PTPN21: variants seen among roughly 807,000 people sequenced by gnomAD.
PTPN21 encodes the protein protein tyrosine phosphatase non-receptor type 21.
In PTPN21, 77 loss-of-function variants were observed where a neutral mutation model predicts 131.8. The observed-to-expected ratio is 0.58, with a 90% CI of 0.49 to 0.71. PTPN21 has a LOEUF of 0.71. Among genes scored for constraint, PTPN21 ranks in the 30% least tolerant of loss-of-function variants. The probability of loss-of-function intolerance (pLI) is 0.00; values close to 1 mark genes in which losing one functional copy is unlikely to be tolerated. For missense variants in PTPN21, 1,552 were observed against 1,527.1 expected (o/e 1.02, Z -0.27); for synonymous variants, 715 against 621.3 (o/e 1.15, Z -2.24).
chr14:88,493,178 T>C (rs762147333), intron 10 of PTPN21: 5 of 425,906 alleles, frequency 1.2e-5, no homozygotes, highest in South Asian at 6.8e-5. Context: ...TTAAAGAAAA[T>C]AAAAGCTCTC....
Position 88,500,785 on chromosome 14 carries a change from A to G in PTPN21, c.762T>C (p.Phe254=). The change falls in exon 8 of 19, where the codon TTT becomes TTC. Residue 254 remains phenylalanine (F), a splice_region_variant and synonymous_variant. Transcript: ENST00000556564. ...KHKNGRHPVV[F]RWHDIANMSH... ...ACAAAAAGAGGTAAGAAAAATACCT[A>G]AATACCACAGGATGCCTTCCATTCT... is the stretch of plus-strand genomic sequence containing the variant. 1 of 1,607,184 alleles carries G rather than the reference A, an allele frequency of 6.2e-7. No individual in the cohort carries two copies. The highest frequency in any genetic ancestry group is 8.5e-7 in the Non-Finnish European group (1 of 1,173,674).
intron 2 of PTPN21, among the ~76,000 whole-genome samples, chr14:88,518,532 G>A (rs1275494064): frequency 7.4e-6 from 1 of 134,246 alleles, no homozygotes; most frequent in East Asian, 2.5e-4. Flanking sequence ...CCAGGTTCAA[G>A]TCATTCTCCT....
At chr14:88,529,020 A>G (rs2078518969) in intron 2 of PTPN21, among the ~76,000 whole-genome samples, 1 of 152,184 alleles carries the variant, frequency 6.6e-6, no homozygotes, top group Admixed American at 6.5e-5. Context: ...TACGTTGAAG[A>G]GAAGTGGTGA....
intron 2 of PTPN21, among the ~76,000 whole-genome samples, chr14:88,545,595 A>C (rs1399325000): frequency 6.6e-6 from 1 of 152,248 alleles, no homozygotes; most frequent in African/African-American, 2.4e-5. Context: ...GAAGAATGAT[A>C]GGCAGGGAAT....
At chr14:88,474,711 T>C (rs959557443) in intron 13 of PTPN21, among the ~76,000 whole-genome samples, 2 of 152,136 alleles carry the variant, frequency 1.3e-5, no homozygotes, top group South Asian at 2.1e-4. Flanking sequence ...ACCAGGAGGA[T>C]AGGACAGAAG....
At chr14:88,492,941 GAGAC>G (rs1457039247) in intron 10 of PTPN21, 2 of 371,830 alleles carry the variant, frequency 5.4e-6, no homozygotes, top group East Asian at 7.6e-5. Flanking sequence ...TCAAACAAGA[GAGAC>G]AGATCAAATG....
chr14:88,474,131 C>CCAAAAAAAAAAAAA (rs1555382614), intron 13 of PTPN21, among the ~76,000 whole-genome samples: 6 of 46,674 alleles, frequency 1.3e-4, no homozygotes, highest in African/African-American at 4.7e-4. Flanking sequence ...AGCTGAAGTC[C>CCAAAAAAAAAAAAA]AAAAAAAAAA....
chr14:88,552,978 T>G (rs1189435953), intron 1 of PTPN21, among the ~76,000 whole-genome samples: 2 of 152,232 alleles, frequency 1.3e-5, no homozygotes, highest in Non-Finnish European at 1.5e-5. Flanking sequence ...GATTAAGTAG[T>G]GTAGATGAAC....
At chr14:88,480,454 T>C in intron 12 of PTPN21, 102 bp from the exon 13 acceptor site, 4 of 956,400 alleles carry the variant, frequency 4.2e-6, no homozygotes, top group Non-Finnish European at 6.1e-6. Flanking sequence ...TTAACACAGC[T>C]TGTAAAAATC....
intron 2 of PTPN21, among the ~76,000 whole-genome samples, chr14:88,538,294 T>C (rs2078658067): frequency 6.6e-6 from 1 of 152,168 alleles, no homozygotes; most frequent in African/African-American, 2.4e-5. Flanking sequence ...AGAATCTGAA[T>C]CTAGAAGCCC....
At chr14:88,474,820 A>G (rs1388448481) in intron 13 of PTPN21, among the ~76,000 whole-genome samples, 1 of 152,176 alleles carries the variant, frequency 6.6e-6, no homozygotes, top group Non-Finnish European at 1.5e-5. Flanking sequence ...GCATAAGAAC[A>G]CTAAGTTGAC....
chr14:88,535,021 C>T lies in PTPN21; in HGVS notation c.180+15217G>A, dbSNP rs1289272551. On this transcript the variant is annotated intron_variant, in intron 2 of 18. Transcript: ENST00000556564. Reference sequence around the variant, plus strand: ...CCACAGCAACTTTTAGTTCTGCAAGCGCCATTCACGGTAAGTACCCTATAC... The same window carrying T: ...CCACAGCAACTTTTAGTTCTGCAAGTGCCATTCACGGTAAGTACCCTATAC... Among the ~76,000 whole-genome samples the T allele has an allele frequency of 6.6e-5, 10 of 152,282 alleles. No individual in the cohort carries two copies. In the East Asian group the frequency reaches 1.3e-3, roughly 21 times the overall value.
intron 2 of PTPN21, among the ~76,000 whole-genome samples, chr14:88,524,363 T>C (rs184975924): frequency 2.7e-4 from 41 of 152,242 alleles, no homozygotes; most frequent in South Asian, 6.2e-4. Flanking sequence ...CAAGACCAGT[T>C]AGTGGGGAAA....
Position 88,472,510 on chromosome 14 carries a change from C to T in PTPN21, c.2650-45G>A, listed in dbSNP as rs576719914. ...TAATAACATGAATACAGCCACACGT[C>T]GTGGCTACCTTTTGACTGTATATTT... On this transcript the variant is annotated intron_variant, in intron 14 of 18. Transcript: ENST00000556564. 32 of 1,185,558 alleles carry T rather than the reference C, an allele frequency of 2.7e-5. No homozygotes were observed. In the East Asian group the frequency reaches 4.2e-4, roughly 16 times the overall value. The allele number at this position is 1,185,558 out of a possible 1,614,324, so 73.4% of individuals were successfully genotyped here.
At chr14:88,496,205 C>T (rs190433007) in intron 10 of PTPN21, among the ~76,000 whole-genome samples, 25 of 152,202 alleles carry the variant, frequency 1.6e-4, no homozygotes, top group Non-Finnish European at 2.6e-4. Context: ...TCAAGAATTA[C>T]AATGGTTCTT....
chr14:88,469,811 CAG>C lies in PTPN21; in HGVS notation c.3001-80_3001-79del. 1 of 1,600,754 alleles carries C rather than the reference CAG, an allele frequency of 6.2e-7. No individual in the cohort carries two copies. Among genetic ancestry groups the C allele is most frequent in the East Asian group, 2.2e-5 (1 of 44,800 alleles). ...TCTCACATAGACGGCACATCTGAAA[CAG>C]AACCACAACCCTACCCTGCCTTTTT... On this transcript the variant is annotated intron_variant, in intron 16 of 18. Coordinates refer to ENST00000556564, the MANE Select transcript of PTPN21 (RefSeq NM_007039.4). This position sits in a 1 kb window ranked among gnomAD's most constrained non-coding sequence, Gnocchi z 4.3.
At chr14:88,517,538 T>C in intron 2 of PTPN21, among the ~76,000 whole-genome samples, 1 of 151,836 alleles carries the variant, frequency 6.6e-6, no homozygotes, top group Non-Finnish European at 1.5e-5. Context: ...ACCTAGACAC[T>C]GGAATGTAGT....
At chr14:88,474,370 T>G (rs1339166555) in intron 13 of PTPN21, among the ~76,000 whole-genome samples, 3 of 152,098 alleles carry the variant, frequency 2.0e-5, no homozygotes, top group Non-Finnish European at 4.4e-5. Flanking sequence ...TTGTGTGTTT[T>G]GTAGAGATGG....
chr14:88,505,285 G>C lies in PTPN21; in HGVS notation c.516+19C>G. 1 of 1,558,898 alleles carries C rather than the reference G, an allele frequency of 6.4e-7. No homozygotes were observed. Among genetic ancestry groups the C allele is most frequent in the South Asian group, 1.1e-5 (1 of 88,518 alleles). ...TAAACTGTTTCTTTTAAAAGGCCCA[G>C]TGTCAAAAGAAGTCTTACCACAGGA... On this transcript the variant is annotated intron_variant, in intron 5 of 18. Transcript: ENST00000556564.
Sources: gnomAD v4.1 joint callset for allele counts (sites outside exome capture counted in the v4.1 genomes callset) on GRCh38, gnomAD v4.1.1 for gene constraint, Gnocchi (gnomAD v3.1) non-coding constraint, MANE v1.5 for transcripts, NCBI Gene and HGNC (gene_info 2026-07-23, HGNC 2026-07-21) for gene names.